Variants in RANBP2 observed in about 807,000 individuals in gnomAD.
RANBP2 encodes the protein E3 SUMO-protein ligase RanBP2.
Under a neutral mutation model 303.6 loss-of-function variants are expected in RANBP2, and 57 were observed. That is an observed-to-expected ratio of 0.19 (90% confidence interval 0.15 to 0.23). The LOEUF is 0.23. Ranked by LOEUF, RANBP2 falls within the 10% of genes least tolerant of loss-of-function variation. The pLI, the probability that RANBP2 is intolerant of heterozygous loss-of-function variation, is 1.00. For missense variants in RANBP2, 3,138 were observed against 3,780.8 expected (o/e 0.83, Z 4.46); for synonymous variants, 1,167 against 1,301.5 (o/e 0.90, Z 2.23).
the RANBP2 span, among the ~76,000 whole-genome samples, chr2:109,295,024 C>T: frequency 3.3e-5 from 5 of 152,352 alleles, no homozygotes; most frequent in East Asian, 1.9e-4. Context: ...GATTAGCCAT[C>T]GCTATGAATT....
chr2:109,283,318 C>A, the RANBP2 span, among the ~76,000 whole-genome samples: 3 of 152,344 alleles, frequency 2.0e-5, no homozygotes, highest in East Asian at 5.8e-4. Context: ...CTGCTGGACA[C>A]CTGCTCCCCT....
chr2:108,815,873 T>C, the RANBP2 span: 1 of 1,303,990 alleles, frequency 7.7e-7, no homozygotes, highest in Non-Finnish European at 1.1e-6. Context: ...CTTAACAAAT[T>C]TAAGGTTTGT....
chr2:108,893,724 T>C, the RANBP2 span, among the ~76,000 whole-genome samples: 1 of 151,892 alleles, frequency 6.6e-6, no homozygotes, highest in Admixed American at 6.6e-5. Context: ...GCCATGACAA[T>C]CTTAAACACA....
At chr2:109,334,760 C>T in the RANBP2 span, among the ~76,000 whole-genome samples, 2 of 142,902 alleles carry the variant, frequency 1.4e-5, no homozygotes, top group East Asian at 4.0e-4. Flanking sequence ...ACAGAGGCTG[C>T]TGAAGGAGTT....
the RANBP2 span, chr2:109,667,202 A>T: frequency 8.2e-7 from 1 of 1,222,142 alleles, no homozygotes; most frequent in East Asian, 2.3e-5. Context: ...AAGCCTTGCC[A>T]TTTAAGAACA....
chr2:109,563,271 C>T, the RANBP2 span, among the ~76,000 whole-genome samples: 1 of 152,152 alleles, frequency 6.6e-6, no homozygotes, highest in Non-Finnish European at 1.5e-5. Flanking sequence ...TAATTAACTC[C>T]ATAGACTGAA....
the RANBP2 span, among the ~76,000 whole-genome samples, chr2:109,271,405 A>G: frequency 1.3e-5 from 2 of 152,208 alleles, no homozygotes; most frequent in East Asian, 1.9e-4. Context: ...TAGAGTAAAA[A>G]CATTTCACAT....
chr2:109,683,141 G>A, the RANBP2 span, among the ~76,000 whole-genome samples: 5 of 152,212 alleles, frequency 3.3e-5, no homozygotes, highest in South Asian at 2.1e-4. Context: ...AAGTAGCTAC[G>A]ATTACAGGTG....
the RANBP2 span, chr2:109,737,023 A>T: frequency 2.8e-6 from 1 of 353,254 alleles, no homozygotes; most frequent in Non-Finnish European, 4.7e-6. Flanking sequence ...CCCTTTGACT[A>T]TGATTTCCAA....
chr2:108,960,412 T>C, the RANBP2 span, among the ~76,000 whole-genome samples: 1 of 152,168 alleles, frequency 6.6e-6, no homozygotes, highest in Non-Finnish European at 1.5e-5. Context: ...TCACCTGTGG[T>C]GCTCCCCCCA....
the RANBP2 span, among the ~76,000 whole-genome samples, chr2:109,187,209 T>A: frequency 6.6e-6 from 1 of 152,258 alleles, no homozygotes; most frequent in African/African-American, 2.4e-5. Flanking sequence ...TCGGTTTACT[T>A]GTTATCTTAG....
At chr2:108,994,794 TTATATA>T in the RANBP2 span, among the ~76,000 whole-genome samples, 78 of 114,824 alleles carry the variant, frequency 6.8e-4, 1 homozygote, top group African/African-American at 2.3e-3. Flanking sequence ...GTGCATTGGG[TTATATA>T]TATATATATA....
At chr2:109,761,455 C>T in the RANBP2 span, among the ~76,000 whole-genome samples, 1 of 149,474 alleles carries the variant, frequency 6.7e-6, no homozygotes, top group East Asian at 2.0e-4. Context: ...CCGGGCGCCC[C>T]AGGTATCCCT....
chr2:109,077,587 T>C, the RANBP2 span, among the ~76,000 whole-genome samples: 5 of 150,336 alleles, frequency 3.3e-5, no homozygotes, highest in Non-Finnish European at 7.4e-5. Context: ...ACAAAATATA[T>C]TAGGTACACA....
the RANBP2 span, among the ~76,000 whole-genome samples, chr2:109,325,564 C>T: frequency 2.0e-5 from 3 of 151,962 alleles, no homozygotes; most frequent in East Asian, 5.8e-4. Context: ...TTACAACATC[C>T]CTTAATATGG....
chr2:109,565,294 A>T, the RANBP2 span, among the ~76,000 whole-genome samples: 1,507 of 152,348 alleles, frequency 9.9e-3, 33 homozygotes, highest in African/African-American at 0.035. Context: ...TAAATGAACC[A>T]TATAATACTA....
At chr2:109,269,908 C>T in the RANBP2 span, among the ~76,000 whole-genome samples, 1 of 152,216 alleles carries the variant, frequency 6.6e-6, no homozygotes, top group Non-Finnish European at 1.5e-5. Context: ...CTCATCCCCT[C>T]CCAGGAAAGC....
At chr2:109,495,798 T>G in the RANBP2 span, among the ~76,000 whole-genome samples, 1 of 152,202 alleles carries the variant, frequency 6.6e-6, no homozygotes, top group South Asian at 2.1e-4. Flanking sequence ...GCCCCCTTTC[T>G]TCATTTTTAT....
chr2:109,737,419 T>C, the RANBP2 span: 2 of 655,720 alleles, frequency 3.1e-6, no homozygotes, highest in Admixed American at 2.5e-5. Context: ...ATTGGCAGCA[T>C]CCACGATTCC....
Sources: gnomAD v4.1 joint callset for allele counts (sites outside exome capture counted in the v4.1 genomes callset) on GRCh38, gnomAD v4.1.1 for gene constraint, MANE v1.5 for transcripts, NCBI Gene and HGNC (gene_info 2026-07-23, HGNC 2026-07-21) for gene names.